Variants in AUTS2 observed in about 807,000 individuals in gnomAD.
The protein encoded by AUTS2 is activator of transcription and developmental regulator AUTS2, also known as autism susceptibility gene 2 protein.
AUTS2 carries 17 observed loss-of-function variants against 112.4 expected under a neutral mutation model. The ratio of observed to expected loss-of-function variants is 0.15; its 90% CI spans 0.10 to 0.23. The LOEUF (loss-of-function observed/expected upper bound fraction) is 0.23. Among genes scored for constraint, AUTS2 ranks in the 10% least tolerant of loss-of-function variants. The pLI is 1.00. For missense variants in AUTS2, 1,510 were observed against 1,701.6 expected (o/e 0.89, Z 1.98); for synonymous variants, 751 against 702.7 (o/e 1.07, Z -1.09).
chr7:69,860,375 G>T (rs1562933349), intron 1 of AUTS2, among the ~76,000 whole-genome samples: 1 of 152,088 alleles, frequency 6.6e-6, no homozygotes, highest in Non-Finnish European at 1.5e-5. Context: ...TTTTAGAGAG[G>T]TATAATTAAC....
intron 1 of AUTS2, among the ~76,000 whole-genome samples, chr7:69,839,429 C>T (rs1791873882): frequency 6.6e-6 from 1 of 152,034 alleles, no homozygotes; most frequent in African/African-American, 2.4e-5. Context: ...TTTATTATTC[C>T]AGATTATAGG....
chr7:70,733,898 T>C lies in AUTS2; in HGVS notation c.743-28972T>C, dbSNP rs1787613159. Among the ~76,000 whole-genome samples, 3 of 152,144 alleles carry C rather than the reference T, an allele frequency of 2.0e-5. No homozygotes were observed. In the East Asian group the frequency reaches 5.9e-4, roughly 30 times the overall value. On this transcript the variant is annotated intron_variant, in intron 6 of 18. Transcript: ENST00000342771. ...CACCACGCCTGGCCTCTACATTAGTTTTATCACATAAATCCAGGCTATTTT... is the reference window on the plus strand; with the variant it reads ...CACCACGCCTGGCCTCTACATTAGTCTTATCACATAAATCCAGGCTATTTT...
At chr7:70,009,810 G>A (rs1039065421) in intron 2 of AUTS2, among the ~76,000 whole-genome samples, 1 of 152,156 alleles carries the variant, frequency 6.6e-6, no homozygotes, top group African/African-American at 2.4e-5. Flanking sequence ...ACTTGAAATG[G>A]TGGGACTAGC....
At chr7:70,225,014 A>G (rs1021745307) in intron 4 of AUTS2, among the ~76,000 whole-genome samples, 2 of 152,234 alleles carry the variant, frequency 1.3e-5, no homozygotes, top group Non-Finnish European at 2.9e-5. Context: ...TTCTCAGAAC[A>G]TATTCCCATC....
intron 18 of AUTS2, among the ~76,000 whole-genome samples, chr7:70,788,806 T>A (rs533430543): frequency 1.3e-5 from 2 of 152,362 alleles, no homozygotes; most frequent in East Asian, 3.9e-4. Context: ...CAAGCCAGCA[T>A]GGCAGCCTGC....
chr7:70,747,908 G>A (rs569887261), intron 6 of AUTS2, among the ~76,000 whole-genome samples: 2 of 151,078 alleles, frequency 1.3e-5, no homozygotes, highest in South Asian at 4.2e-4. Context: ...TGCAAGCTCC[G>A]CCTTCTGGGT....
intron 1 of AUTS2, among the ~76,000 whole-genome samples, chr7:69,714,875 A>G (rs1367826462): frequency 6.6e-6 from 1 of 152,068 alleles, no homozygotes; most frequent in African/African-American, 2.4e-5. Context: ...ATTTTTTAGC[A>G]GTATTCTTGT....
intron 6 of AUTS2, among the ~76,000 whole-genome samples, chr7:70,708,565 G>T (rs530956839): frequency 1.2e-3 from 184 of 151,824 alleles, no homozygotes; most frequent in Non-Finnish European, 2.3e-3. Flanking sequence ...TTTTCAAGTG[G>T]TATAATAGCA....
At chr7:70,078,588 G>A (rs142904431) in intron 2 of AUTS2, among the ~76,000 whole-genome samples, 14 of 152,196 alleles carry the variant, frequency 9.2e-5, no homozygotes, top group African/African-American at 3.4e-4. Context: ...TTCATTTTCT[G>A]TGCCACTTTC....
At chr7:70,426,525 C>G (rs1373040620) in intron 4 of AUTS2, among the ~76,000 whole-genome samples, 1 of 152,158 alleles carries the variant, frequency 6.6e-6, no homozygotes, top group Non-Finnish European at 1.5e-5. Context: ...TCCCTCCGCT[C>G]ACTTTCTGAG....
chr7:70,266,629 G>A (rs915537230), intron 4 of AUTS2, among the ~76,000 whole-genome samples: 3 of 152,098 alleles, frequency 2.0e-5, no homozygotes, highest in African/African-American at 7.2e-5. Context: ...AGATTAGAGT[G>A]ATGGTTGCAC....
chr7:70,044,863 A>G (rs986190448), intron 2 of AUTS2, among the ~76,000 whole-genome samples: 2 of 152,148 alleles, frequency 1.3e-5, no homozygotes, highest in African/African-American at 2.4e-5. Context: ...CAAGAGAGAA[A>G]TGTTTTCTGG....
intron 1 of AUTS2, among the ~76,000 whole-genome samples, chr7:69,613,290 A>G (rs1181252305): frequency 6.6e-6 from 1 of 152,202 alleles, no homozygotes; most frequent in Non-Finnish European, 1.5e-5. Context: ...TTCTAGGTAT[A>G]ATAATAGGAT....
At chr7:70,707,799 G>T (rs922942089) in intron 6 of AUTS2, among the ~76,000 whole-genome samples, 3 of 152,114 alleles carry the variant, frequency 2.0e-5, no homozygotes, top group African/African-American at 7.2e-5. Flanking sequence ...TTGTGCCTTT[G>T]CGTGAACTGA....
At chr7:70,278,904 A>G (rs1227629997) in intron 4 of AUTS2, among the ~76,000 whole-genome samples, 3 of 152,214 alleles carry the variant, frequency 2.0e-5, no homozygotes, top group Non-Finnish European at 4.4e-5. Context: ...CTACATTTCT[A>G]CTAAATAATG....
intron 5 of AUTS2, among the ~76,000 whole-genome samples, chr7:70,612,375 G>A (rs1804139417): frequency 1.3e-5 from 2 of 152,078 alleles, no homozygotes; most frequent in East Asian, 3.8e-4. Context: ...CGTCAGCTGT[G>A]GTTGCTCAAA....
rs1370281347 is a variant in AUTS2 at position 70,602,115 on chromosome 7, T to C, written c.691-96454T>C. Among the ~76,000 whole-genome samples the C allele has an allele frequency of 1.6e-4, 24 of 152,144 alleles. 1 individual carries two copies. Among genetic ancestry groups the C allele is most frequent in the Non-Finnish European group, 5.9e-5 (4 of 68,040 alleles). ...GCTCCCAGGCAGCTTCTCTTTATGG[T>C]TGCAACACACCTTGAAAATGACATA... On this transcript the variant is annotated intron_variant, in intron 5 of 18. Coordinates refer to ENST00000342771, the MANE Select transcript of AUTS2 (RefSeq NM_015570.4).
intron 5 of AUTS2, among the ~76,000 whole-genome samples, chr7:70,637,374 C>G (rs1805584609): frequency 6.6e-6 from 1 of 152,166 alleles, no homozygotes; most frequent in Non-Finnish European, 1.5e-5. Flanking sequence ...ATACCACCAC[C>G]CTTCCATCTC....
Position 70,275,606 on chromosome 7 carries a change from C to G in AUTS2, c.660+141035C>G, listed in dbSNP as rs769869748. Among the ~76,000 whole-genome samples, 3 of 152,232 alleles carry G rather than the reference C, an allele frequency of 2.0e-5. No individual in the cohort carries two copies. The East Asian group carries it at 5.8e-4, about 29-fold the overall frequency. ...ACACTGGTATGATTTGGCTCTGTCC[C>G]CACCCAAGTCTTATCTCAAATTTTA... is the stretch of plus-strand genomic sequence containing the variant. On this transcript the variant is annotated intron_variant, in intron 4 of 18. Coordinates refer to ENST00000342771, the MANE Select transcript of AUTS2 (RefSeq NM_015570.4).
Sources: allele counts gnomAD v4.1 joint callset (sites outside exome capture counted in the v4.1 genomes callset), GRCh38; gene constraint gnomAD v4.1.1; transcripts MANE v1.5; gene names NCBI Gene and HGNC (gene_info 2026-07-23, HGNC 2026-07-21).